Variants in KIFC3 observed in about 807,000 individuals in gnomAD.
KIFC3 encodes kinesin family member C3.
KIFC3 carries 60 observed loss-of-function variants against 101.8 expected under a neutral mutation model. The observed-to-expected ratio is 0.59, with a 90% CI of 0.48 to 0.73. The LOEUF is 0.73. KIFC3 is among the 30% of genes least tolerant of loss of function. The pLI, the probability that KIFC3 is intolerant of heterozygous loss-of-function variation, is 0.00. For missense variants in KIFC3, 966 were observed against 1,137.1 expected (o/e 0.85, Z 2.16); for synonymous variants, 476 against 482.7 (o/e 0.99, Z 0.18).
intron 2 of KIFC3, among the ~76,000 whole-genome samples, chr16:57,795,742 A>G (rs948023135): frequency 1.8e-4 from 28 of 152,036 alleles, no homozygotes; most frequent in Non-Finnish European, 3.5e-4. Flanking sequence ...AGGGCTGAAC[A>G]GGGTGGGATG....
intron 3 of KIFC3, among the ~76,000 whole-genome samples, chr16:57,773,462 G>C (rs1413812407): frequency 6.6e-6 from 1 of 152,122 alleles, no homozygotes; most frequent in Non-Finnish European, 1.5e-5. Flanking sequence ...AGGCCAGCCT[G>C]AGCAACACAG....
At chr16:57,819,111 AC>A (rs1224056049) in intron 1 of KIFC3, among the ~76,000 whole-genome samples, 1 of 151,962 alleles carries the variant, frequency 6.6e-6, no homozygotes, top group Non-Finnish European at 1.5e-5. Context: ...TGTCAGCCCC[AC>A]CCCAGACGTA....
intron 1 of KIFC3, among the ~76,000 whole-genome samples, chr16:57,825,253 T>C (rs1418019578): frequency 6.6e-6 from 1 of 152,222 alleles, no homozygotes; most frequent in East Asian, 1.9e-4. Flanking sequence ...TCAGTCCTCA[T>C]GAATCACTGG....
chr16:57,840,331 C>G (rs2055777835), intron 1 of KIFC3, among the ~76,000 whole-genome samples: 1 of 152,026 alleles, frequency 6.6e-6, no homozygotes, highest in Non-Finnish European at 1.5e-5. Context: ...GAGCAAGACT[C>G]TGTCTCGAAA....
In KIFC3 at chr16:57,772,257, T is replaced by G; in HGVS notation, c.347A>C (p.Gln116Pro). 1 of 1,613,822 alleles carries G rather than the reference T, an allele frequency of 6.2e-7. No individual in the cohort carries two copies. Residue 116 changes from glutamine to proline, a missense_variant, in exon 4 of 20, where the codon CAG becomes CCG. This residue lies in a region of KIFC3 where 277 missense variants were observed against 252.5 expected (regional missense o/e 1.10). Coordinates refer to ENST00000445690, the MANE Select transcript of KIFC3 (RefSeq NM_001130100.2). ...VEHLKEKLIS[Q>P]AQEVSRLRSE... The stretch of plus-strand genomic sequence containing the variant: ...TCGCAGTCGGCTCACTTCCTGGGCC[T>G]GGCTAATGAGCTTCTCCTTCAGGTG...
intron 1 of KIFC3, among the ~76,000 whole-genome samples, chr16:57,861,402 C>T (rs1959263093): frequency 6.6e-6 from 1 of 152,188 alleles, no homozygotes; most frequent in African/African-American, 2.4e-5. Context: ...GTTAGGACAT[C>T]TCTGACACTA....
Position 57,783,939 on chromosome 16 carries a change from A to G in KIFC3, c.315+11060T>C, listed in dbSNP as rs376068169. On this transcript the variant is annotated intron_variant, in intron 3 of 19. Coordinates refer to ENST00000445690, the MANE Select transcript of KIFC3 (RefSeq NM_001130100.2). ...TGCAACCCCCCAAGGCGCTTGAGCCACACCTCTCCTACCACAAGTCCTTTT... is the reference window on the plus strand; with the variant it reads ...TGCAACCCCCCAAGGCGCTTGAGCCGCACCTCTCCTACCACAAGTCCTTTT... 4.6e-5 allele frequency among the ~76,000 whole-genome samples: 7 copies of G among 152,298 alleles called. No homozygotes were observed. The East Asian group carries it at 5.8e-4, about 13-fold the overall frequency.
chr16:57,839,919 C>G (rs1051100771), intron 1 of KIFC3, among the ~76,000 whole-genome samples: 21 of 152,136 alleles, frequency 1.4e-4, no homozygotes, highest in African/African-American at 5.1e-4. Flanking sequence ...TTTCCATTAA[C>G]AACTCCACTC....
rs1250450718 is a variant in KIFC3 at position 57,765,557 on chromosome 16, C to T, written c.1414G>A (p.Asp472Asn). 13 of 1,607,010 alleles carry T rather than the reference C, an allele frequency of 8.1e-6. No individual in the cohort carries two copies. The highest frequency in any genetic ancestry group is 2.2e-5 in the South Asian group (2 of 89,362). Residue 472 changes from aspartate to asparagine, a missense_variant, in exon 11 of 20, where the codon GAT becomes AAT. Asp to Asn is a conservative substitution (Grantham distance 23). Transcript: ENST00000445690. ...GPEATNAVTF[D>N]ADDDSIIHLL... ...TGGATGATGGAGTCGTCGTCGGCAT[C>T]GAAAGTCACAGCATTGGTGGCCTCA...
intron 10 of KIFC3, 40 bp downstream of exon 10, chr16:57,766,833 AC>A: frequency 6.9e-7 from 1 of 1,452,150 alleles, no homozygotes; most frequent in Non-Finnish European, 9.6e-7. Context: ...CAGGTCGAGG[AC>A]CCCGAGGCCA....
intron 1 of KIFC3, among the ~76,000 whole-genome samples, chr16:57,833,791 T>C (rs2055631625): frequency 6.6e-6 from 1 of 151,886 alleles, no homozygotes; most frequent in Admixed American, 6.6e-5. Flanking sequence ...CTAGGGAGTA[T>C]CAGTAGCATT....
chr16:57,824,566 CA>C (rs2055420295), intron 1 of KIFC3, among the ~76,000 whole-genome samples: 1 of 152,130 alleles, frequency 6.6e-6, no homozygotes, highest in Admixed American at 6.5e-5. Flanking sequence ...GCCTGTAGTT[CA>C]AGCTACTTGG....
intron 3 of KIFC3, 88 bp downstream of exon 3, chr16:57,794,911 C>G (rs1251684752): frequency 1.5e-6 from 2 of 1,302,218 alleles, no homozygotes; most frequent in African/African-American, 1.6e-5. Context: ...TCCCCAGGTG[C>G]TTCCTACCCC....
chr16:57,761,547 A>G lies in KIFC3; in HGVS notation c.1749-11T>C. ...TTCCCTAGCAGGTCCCTGGAGGGGC[A>G]GGTGAGACAGTCACCCCCTCCTCCC... On this transcript the variant is annotated splice_polypyrimidine_tract_variant and intron_variant, in intron 13 of 19. Coordinates refer to ENST00000445690, the MANE Select transcript of KIFC3 (RefSeq NM_001130100.2). 3.1e-6 allele frequency: 5 copies of G among 1,610,852 alleles called. No individual in the cohort carries two copies. The highest frequency in any genetic ancestry group is 4.2e-6 in the Non-Finnish European group (5 of 1,179,132).
At chr16:57,775,300 G>A (rs2051894953) in intron 3 of KIFC3, 6 of 1,220,796 alleles carry the variant, frequency 4.9e-6, no homozygotes, top group Non-Finnish European at 6.1e-6. Context: ...GGTCATCTCT[G>A]GCTTCTTGAG....
At chr16:57,828,445 A>T (rs1232470243) in intron 1 of KIFC3, among the ~76,000 whole-genome samples, 1 of 152,218 alleles carries the variant, frequency 6.6e-6, no homozygotes, top group African/African-American at 2.4e-5. Flanking sequence ...TGAGTGGCAA[A>T]AAGGCCAAGA....
At chr16:57,818,512 G>C (rs782381860) in intron 1 of KIFC3, among the ~76,000 whole-genome samples, 2 of 152,124 alleles carry the variant, frequency 1.3e-5, no homozygotes, top group Non-Finnish European at 2.9e-5. Flanking sequence ...TTATAGGCAT[G>C]TGCTACGAAG....
intron 3 of KIFC3, chr16:57,776,776 G>T (rs1383348546): frequency 1.3e-5 from 2 of 151,656 alleles, no homozygotes; most frequent in African/African-American, 4.9e-5. Flanking sequence ...AAAGGGTGGT[G>T]GGGCTGGAGC....
At chr16:57,771,714 C>T in intron 4 of KIFC3, 28 bp from the exon 5 acceptor site, 3 of 1,599,758 alleles carry the variant, frequency 1.9e-6, no homozygotes, top group Non-Finnish European at 2.6e-6. Flanking sequence ...CGAGGGGGCG[C>T]ATGTGGCGAG....
Sources: allele counts gnomAD v4.1 joint callset (sites outside exome capture counted in the v4.1 genomes callset), GRCh38; gene constraint gnomAD v4.1.1; regional missense constraint gnomAD v4.1.1; transcripts MANE v1.5; gene names NCBI Gene and HGNC (gene_info 2026-07-23, HGNC 2026-07-21).